The following CPNE4 variants were observed in gnomAD, a reference collection of about 807,000 sequenced individuals.
The protein encoded by CPNE4 is copine-4.
A neutral mutation model predicts 67.9 loss-of-function variants in CPNE4; 25 were observed. That is an observed-to-expected ratio of 0.37 (90% CI 0.27 to 0.51). The LOEUF is 0.51. Among genes scored for constraint, CPNE4 ranks in the 20% least tolerant of loss-of-function variants. The pLI, the probability that CPNE4 is intolerant of heterozygous loss-of-function variation, is 0.93. For missense variants in CPNE4, 464 were observed against 690.8 expected, an observed-to-expected ratio of 0.67 and a Z score of 3.68; for synonymous variants, 242 against 244.9, an observed-to-expected ratio of 0.99 and a Z score of 0.11.
At chr3:131,885,496 T>G (rs1469237872) in intron 2 of CPNE4, among the ~76,000 whole-genome samples, 5 of 151,736 alleles carry the variant, frequency 3.3e-5, no homozygotes, top group Admixed American at 1.3e-4. Flanking sequence ...AAGGATGGTG[T>G]TTTTTGTTTT....
chr3:131,807,732 C>T (rs1001752106), intron 2 of CPNE4, among the ~76,000 whole-genome samples: 21 of 152,040 alleles, frequency 1.4e-4, no homozygotes, highest in African/African-American at 1.9e-4. Context: ...TATTTCCCCA[C>T]GTTCTCACCT....
chr3:131,938,348 T>C (rs1242748450), intron 1 of CPNE4, among the ~76,000 whole-genome samples: 4 of 151,540 alleles, frequency 2.6e-5, no homozygotes, highest in African/African-American at 4.8e-5. Flanking sequence ...CAGAGTGATA[T>C]GCTGTCTCAA....
intron 7 of CPNE4, among the ~76,000 whole-genome samples, chr3:131,659,709 T>G (rs1037547067): frequency 6.6e-6 from 1 of 152,158 alleles, no homozygotes; most frequent in Non-Finnish European, 1.5e-5. Context: ...TCCCTCATAA[T>G]GGTTGGGCAA....
intron 3 of CPNE4, among the ~76,000 whole-genome samples, chr3:131,701,996 T>C (rs1167030892): frequency 6.6e-6 from 1 of 152,134 alleles, no homozygotes; most frequent in Non-Finnish European, 1.5e-5. Flanking sequence ...AACTCATTCT[T>C]TGAAATTTTC....
intron 1 of CPNE4, among the ~76,000 whole-genome samples, chr3:131,944,552 T>TC (rs2071492902): frequency 6.6e-6 from 1 of 152,038 alleles, no homozygotes; most frequent in African/African-American, 2.4e-5. Flanking sequence ...CAGCTGGTTA[T>TC]CTGCCATGAC....
At chr3:131,863,162 T>C (rs927259551) in intron 2 of CPNE4, among the ~76,000 whole-genome samples, 3 of 152,220 alleles carry the variant, frequency 2.0e-5, no homozygotes, top group Non-Finnish European at 4.4e-5. Flanking sequence ...AGTGCAACAA[T>C]AAATATACGT....
intron 2 of CPNE4, among the ~76,000 whole-genome samples, chr3:131,725,590 CA>C (rs1399854633): frequency 2.1e-4 from 32 of 152,242 alleles, no homozygotes; most frequent in Admixed American, 4.6e-4. Flanking sequence ...GCCATTTGTG[CA>C]GGTACAAGAA....
intron 7 of CPNE4, among the ~76,000 whole-genome samples, chr3:131,614,707 G>A (rs1940040856): frequency 6.6e-6 from 1 of 152,158 alleles, no homozygotes; most frequent in African/African-American, 2.4e-5. Flanking sequence ...TGAAGCAGAA[G>A]GGAAGGACAG....
At chr3:131,981,446 A>C (rs2072907731) in intron 1 of CPNE4, among the ~76,000 whole-genome samples, 1 of 151,898 alleles carries the variant, frequency 6.6e-6, no homozygotes, top group Non-Finnish European at 1.5e-5. Context: ...GCCTCTTCTG[A>C]GTCACGCAGG....
intron 2 of CPNE4, among the ~76,000 whole-genome samples, chr3:131,866,089 T>A (rs993482028): frequency 6.6e-6 from 1 of 152,238 alleles, no homozygotes; most frequent in Non-Finnish European, 1.5e-5. Context: ...AGCTGAAGAT[T>A]GTCTGCTGAG....
intron 2 of CPNE4, among the ~76,000 whole-genome samples, chr3:131,799,298 T>G (rs1267703037): frequency 1.3e-5 from 2 of 152,116 alleles, no homozygotes; most frequent in Non-Finnish European, 2.9e-5. Context: ...GGAACAGAGC[T>G]GTGATACTAA....
upstream of CPNE4, among the ~76,000 whole-genome samples, chr3:132,038,613 C>T (rs916318234): frequency 6.6e-6 from 1 of 152,082 alleles, no homozygotes; most frequent in Non-Finnish European, 1.5e-5. Flanking sequence ...CTCAGTTGTC[C>T]CTCTGAGCCT....
chr3:131,999,241 T>TTAA (rs1219108091), intron 1 of CPNE4, among the ~76,000 whole-genome samples: 2 of 98,834 alleles, frequency 2.0e-5, no homozygotes, highest in Non-Finnish European at 3.7e-5. Context: ...TTATCCAAGG[T>TTAA]AAAAAAAAAA....
intron 7 of CPNE4, among the ~76,000 whole-genome samples, chr3:131,638,306 A>G (rs943537100): frequency 2.6e-5 from 4 of 152,150 alleles, no homozygotes; most frequent in African/African-American, 9.7e-5. Context: ...CTCACCTAAC[A>G]CAGAAGGACT....
chr3:131,992,364 T>C (rs948457478), intron 1 of CPNE4, among the ~76,000 whole-genome samples: 1 of 136,538 alleles, frequency 7.3e-6, no homozygotes, highest in African/African-American at 2.5e-5. Flanking sequence ...AAGGGGATCA[T>C]TTCGGAATTT....
At chr3:131,819,932 A>G (rs138734707) in intron 2 of CPNE4, among the ~76,000 whole-genome samples, 2 of 152,274 alleles carry the variant, frequency 1.3e-5, no homozygotes, top group South Asian at 2.1e-4. Context: ...GACTAAGAAG[A>G]GATATATTAA....
At chr3:131,542,932 T>C (rs1273049700) in intron 14 of CPNE4, 139 bp from the exon 15 acceptor site, 2 of 634,296 alleles carry the variant, frequency 3.2e-6, no homozygotes, top group Admixed American at 2.7e-5. Context: ...TTTTTGAATG[T>C]GCTGATAGTC....
chr3:131,865,842 T>A (rs529202048), intron 2 of CPNE4, among the ~76,000 whole-genome samples: 1 of 152,240 alleles, frequency 6.6e-6, no homozygotes, highest in African/African-American at 2.4e-5. Context: ...ATGGGAAGAA[T>A]AGAAATCAGG....
At chr3:131,686,155 C>G (rs2080884188) in intron 5 of CPNE4, among the ~76,000 whole-genome samples, 197 bp from the exon 6 acceptor site, 1 of 152,172 alleles carries the variant, frequency 6.6e-6, no homozygotes, top group African/African-American at 2.4e-5. Flanking sequence ...ATGAGCCCCA[C>G]CCTTTCTTCC....
Sources: allele counts gnomAD v4.1 joint callset (sites outside exome capture counted in the v4.1 genomes callset), GRCh38; gene constraint gnomAD v4.1.1; transcripts MANE v1.5; gene names NCBI Gene and HGNC (gene_info 2026-07-23, HGNC 2026-07-21).